MTHFD1L: variants seen among roughly 807,000 people sequenced by gnomAD.
The protein encoded by MTHFD1L is monofunctional C1-tetrahydrofolate synthase, mitochondrial.
In MTHFD1L, 81 loss-of-function variants were observed where a neutral mutation model predicts 119.5. The observed-to-expected ratio is 0.68, with a 90% CI of 0.57 to 0.82. MTHFD1L has a LOEUF of 0.82. MTHFD1L is among the 40% of genes least tolerant of loss of function. MTHFD1L has a pLI of 0.00. For missense variants in MTHFD1L, 1,125 were observed against 1,253.4 expected (o/e 0.90, Z 1.55); for synonymous variants, 430 against 475.2 (o/e 0.90, Z 1.24).
chr6:151,043,801 C>T (rs188998406), intron 26 of MTHFD1L, among the ~76,000 whole-genome samples: 2 of 152,112 alleles, frequency 1.3e-5, no homozygotes, highest in African/African-American at 2.4e-5. Flanking sequence ...ACAGCCTGGC[C>T]GGTTTTGTAA....
chr6:151,032,669 G>C (rs9478917), intron 24 of MTHFD1L, among the ~76,000 whole-genome samples: 9,672 of 152,256 alleles, frequency 0.064, 1,041 homozygotes, highest in East Asian at 0.56. Context: ...AAGTTTCAGA[G>C]AAGTGACGTC....
In MTHFD1L at chr6:150,907,681, A is replaced by G. The variant is rs74655969; in HGVS notation, c.892+1920A>G. Among the ~76,000 whole-genome samples, 998 of 151,932 alleles carry G rather than the reference A, an allele frequency of 6.6e-3. 13 individuals carry two copies. The highest frequency in any genetic ancestry group is 0.022 in the African/African-American group (928 of 41,550). Reference sequence around the variant, plus strand: ...GGGAAAAGATCAAAATTTAAAGCACAGTTTCTACTGAATGCATGTCCCTTT... The same window carrying G: ...GGGAAAAGATCAAAATTTAAAGCACGGTTTCTACTGAATGCATGTCCCTTT... On this transcript the variant is annotated intron_variant, in intron 8 of 27. Coordinates refer to ENST00000367321, the MANE Select transcript of MTHFD1L (RefSeq NM_015440.5).
chr6:151,007,376 G>T (rs1425447967), intron 20 of MTHFD1L, among the ~76,000 whole-genome samples: 5 of 151,444 alleles, frequency 3.3e-5, no homozygotes, highest in African/African-American at 1.2e-4. Flanking sequence ...ACGCCTGGAT[G>T]GAGCAGGAAT....
rs577851058 is a variant in MTHFD1L, at chr6:150,908,064, A to AT, written c.892+2318dup. Among the ~76,000 whole-genome samples, 1,016 of 136,562 alleles carry AT rather than the reference A, an allele frequency of 7.4e-3. 4 individuals are homozygous for AT. The highest frequency in any genetic ancestry group is 0.013 in the East Asian group (59 of 4,568). The allele number at this position is 136,562 out of a possible 152,430, so 89.6% of individuals were successfully genotyped here. ...AGGTCCCTGTCACCACGCCTGGCCA[A>AT]TTTTTTTTTTTTTTTGTATTTTTAG... On this transcript the variant is annotated intron_variant, in intron 8 of 27. Transcript: ENST00000367321.
chr6:150,948,256 C>T (rs1311888912), intron 15 of MTHFD1L, among the ~76,000 whole-genome samples: 1 of 152,104 alleles, frequency 6.6e-6, no homozygotes, highest in Admixed American at 6.5e-5. Context: ...ATCTGCCCAC[C>T]TCCGCCTCCC....
At chr6:150,870,871 T>G (rs1317574846) in intron 1 of MTHFD1L, among the ~76,000 whole-genome samples, 3 of 150,298 alleles carry the variant, frequency 2.0e-5, no homozygotes, top group Non-Finnish European at 4.4e-5. Context: ...GAGGTTGTGG[T>G]AAGCCACTAC....
chr6:151,063,431 G>C (rs890513471), intron 26 of MTHFD1L, among the ~76,000 whole-genome samples: 2 of 152,096 alleles, frequency 1.3e-5, no homozygotes, highest in African/African-American at 4.8e-5. Context: ...CATCTAAATG[G>C]TCTTTGTTCT....
intron 1 of MTHFD1L, 158 bp downstream of exon 1, chr6:150,866,207 C>A: frequency 7.3e-7 from 1 of 1,368,218 alleles, no homozygotes; most frequent in Non-Finnish European, 9.6e-7. Flanking sequence ...GAAACGCGGG[C>A]TTGGGCACTG....
intron 1 of MTHFD1L, among the ~76,000 whole-genome samples, chr6:150,869,197 C>T (rs1056270871): frequency 1.3e-5 from 2 of 152,104 alleles, no homozygotes; most frequent in African/African-American, 2.4e-5. Flanking sequence ...TTCTGGGAAA[C>T]GTGCCGAACG....
chr6:150,952,996 C>T (rs186305171), intron 16 of MTHFD1L, among the ~76,000 whole-genome samples: 53 of 152,316 alleles, frequency 3.5e-4, no homozygotes, highest in African/African-American at 1.2e-3. Flanking sequence ...AGATGAGCCT[C>T]TGCCTGTCCG....
At chr6:151,100,223 A>G (rs1451243056) in intron 27 of MTHFD1L, among the ~76,000 whole-genome samples, 1 of 152,040 alleles carries the variant, frequency 6.6e-6, no homozygotes, top group African/African-American at 2.4e-5. Context: ...TTTTTAATAG[A>G]CACGGGGTTT....
rs548999805 is a variant in MTHFD1L, at chr6:151,005,333, C to T, written c.2126-4486C>T. Reference sequence around the variant, plus strand: ...TAATTACTGATTACACATCAGCATACCTTTTCCATGTTCTGTTTCCTTGGC... The same window carrying T: ...TAATTACTGATTACACATCAGCATATCTTTTCCATGTTCTGTTTCCTTGGC... On this transcript the variant is annotated intron_variant, in intron 20 of 27. Coordinates refer to ENST00000367321, the MANE Select transcript of MTHFD1L (RefSeq NM_015440.5). Among the ~76,000 whole-genome samples the T allele has an allele frequency of 1.2e-4, 19 of 152,230 alleles. No individual in the cohort carries two copies. In the East Asian group the frequency reaches 3.1e-3, roughly 25 times the overall value.
intron 21 of MTHFD1L, among the ~76,000 whole-genome samples, chr6:151,012,774 C>G (rs1449855105): frequency 6.6e-6 from 1 of 152,148 alleles, no homozygotes; most frequent in Non-Finnish European, 1.5e-5. Context: ...ATTACAGAAG[C>G]TGGCAAGTCC....
intron 19 of MTHFD1L, among the ~76,000 whole-genome samples, chr6:150,969,419 C>T (rs1020933405): frequency 2.0e-5 from 3 of 151,286 alleles, no homozygotes; most frequent in African/African-American, 4.9e-5. Context: ...TAGCTTGAAC[C>T]GGGGAGGTGG....
chr6:151,057,802 G>C (rs1026542451), intron 26 of MTHFD1L, among the ~76,000 whole-genome samples: 1 of 152,062 alleles, frequency 6.6e-6, no homozygotes, highest in Admixed American at 6.5e-5. Context: ...TGTTTGAGAC[G>C]GAGTCTGGCT....
intron 11 of MTHFD1L, among the ~76,000 whole-genome samples, chr6:150,928,232 G>A (rs752948147): frequency 1.8e-4 from 28 of 151,872 alleles, no homozygotes; most frequent in Non-Finnish European, 3.7e-4. Flanking sequence ...TCAGGAGATC[G>A]AGACCATCCT....
chr6:150,888,079 A>T, intron 7 of MTHFD1L, 98 bp downstream of exon 7: 1 of 1,327,204 alleles, frequency 7.5e-7, no homozygotes, highest in Non-Finnish European at 9.9e-7. Context: ...AAGAAATTAG[A>T]GGAAGAAAAT....
Position 150,887,852 on chromosome 6 carries a change from C to G in MTHFD1L, c.651C>G (p.Asn217Lys). 6.3e-7 allele frequency: 1 copy of G among 1,599,392 alleles called. No individual in the cohort carries two copies. The highest frequency in any genetic ancestry group is 1.1e-5 in the South Asian group (1 of 87,610). The change falls in exon 7 of 28, where the codon AAC becomes AAG. Residue 217 changes from asparagine (N) to lysine (K), a missense_variant. Physicochemically the swap from Asn to Lys is moderately conservative, Grantham distance 94 (BLOSUM62 0). Transcript: ENST00000367321. ...VIELLEKSGVNLDGKKILVVG... is the reference protein window; with the variant it reads ...VIELLEKSGVKLDGKKILVVG... ...TTTTCATTTGGTTAGTAGGTGTCAA[C>G]CTAGATGGAAAGAAGATTTTGGTAG...
chr6:150,877,625 C>A lies in MTHFD1L; in HGVS notation c.313-9C>A. On this transcript the variant is annotated splice_polypyrimidine_tract_variant and intron_variant, in intron 2 of 27. Transcript: ENST00000367321. ...TTTTATGTTGTTATGTTGTTTTTAC[C>A]TTCCTAAGGCAGGTGACGACAACTT... 6.2e-7 allele frequency: 1 copy of A among 1,613,722 alleles called. No homozygotes were observed. Among genetic ancestry groups the A allele is most frequent in the Non-Finnish European group, 8.5e-7 (1 of 1,179,932 alleles).
Sources: gnomAD v4.1 joint callset for allele counts (sites outside exome capture counted in the v4.1 genomes callset) on GRCh38, gnomAD v4.1.1 for gene constraint, MANE v1.5 for transcripts, NCBI Gene and HGNC (gene_info 2026-07-23, HGNC 2026-07-21) for gene names.